VAV3: variants seen among roughly 807,000 people sequenced by gnomAD.
VAV3 encodes the protein vav guanine nucleotide exchange factor 3.
Under a neutral mutation model 131.2 loss-of-function variants are expected in VAV3, and 94 were observed. The observed-to-expected ratio is 0.72, with a 90% confidence interval of 0.61 to 0.85. VAV3 has a LOEUF of 0.85. VAV3 is among the 40% of genes least tolerant of loss of function. VAV3 has a pLI of 0.00. For missense variants in VAV3, 939 were observed against 1,002.7 expected (o/e 0.94, Z 0.86); for synonymous variants, 349 against 342.0 (o/e 1.02, Z -0.22).
rs748384571 is a variant in VAV3, at chr1:107,765,200, T to C, written c.822-25A>G. 9.6e-6 allele frequency: 15 copies of C among 1,570,410 alleles called. No individual in the cohort carries two copies. In the African/African-American group the frequency reaches 1.2e-4, roughly 13 times the overall value. On this transcript the variant is annotated intron_variant, in intron 8 of 26. Transcript: ENST00000370056. ...TCTGAAAGGGAAAAAAGACAAGAAA[T>C]CTCTAAGACAAAAACCAAGAATGAA...
At chr1:107,783,062 C>T (rs753730857) in intron 2 of VAV3, among the ~76,000 whole-genome samples, 4 of 152,068 alleles carry the variant, frequency 2.6e-5, no homozygotes, top group African/African-American at 9.7e-5. Context: ...TTTGTCTATC[C>T]TTTGGTGAGT....
chr1:107,739,613 A>C (rs147352630), intron 15 of VAV3, among the ~76,000 whole-genome samples: 361 of 152,354 alleles, frequency 2.4e-3, no homozygotes, highest in East Asian at 8.3e-3. Context: ...AAGCATTTTA[A>C]GGAGGAAGAA....
intron 9 of VAV3, among the ~76,000 whole-genome samples, chr1:107,761,092 T>A (rs1307988076): frequency 6.6e-6 from 1 of 152,208 alleles, no homozygotes; most frequent in Non-Finnish European, 1.5e-5. Context: ...ATTTTGTGTA[T>A]GAAAATTATT....
intron 1 of VAV3, among the ~76,000 whole-genome samples, chr1:107,912,067 G>T (rs1490996600): frequency 1.3e-5 from 2 of 152,182 alleles, no homozygotes; most frequent in African/African-American, 4.8e-5. Context: ...GTTTGTGTGT[G>T]TGTGTGCGTG....
intron 2 of VAV3, among the ~76,000 whole-genome samples, chr1:107,806,087 C>T (rs1384705016): frequency 2.6e-5 from 4 of 152,130 alleles, no homozygotes; most frequent in Admixed American, 1.3e-4. Context: ...TCCAGGGCTA[C>T]AGATGGTAGC....
intron 2 of VAV3, among the ~76,000 whole-genome samples, chr1:107,868,456 G>A (rs562020370): frequency 4.1e-4 from 62 of 152,218 alleles, no homozygotes; most frequent in African/African-American, 1.4e-3. Flanking sequence ...TTGTGACAGG[G>A]AAAGCCAGGC....
At chr1:107,784,938 C>G (rs373216758) in intron 2 of VAV3, among the ~76,000 whole-genome samples, 5 of 152,272 alleles carry the variant, frequency 3.3e-5, no homozygotes, top group African/African-American at 1.2e-4. Context: ...AAACCTAGAG[C>G]CAACAAACAT....
intron 15 of VAV3, among the ~76,000 whole-genome samples, chr1:107,727,564 TACAA>T (rs534063948): frequency 4.5e-4 from 68 of 152,350 alleles, no homozygotes; most frequent in African/African-American, 1.5e-3. Context: ...AAAAACCAAT[TACAA>T]ACAGTCTACT....
rs571432898 is a variant in VAV3, at chr1:107,853,567, CCCT to C, written c.321+21331_321+21333del. 6.4e-4 allele frequency among the ~76,000 whole-genome samples: 97 copies of C among 151,700 alleles called. 1 individual carries two copies. The highest frequency in any genetic ancestry group is 2.3e-3 in the African/African-American group (97 of 41,308). ...TATACTCAGAAAGATCCTCCCCCAT[CCCT>C]CAAGAACCAAAAAAAAAAAATTCAT... On this transcript the variant is annotated intron_variant, in intron 2 of 26. Transcript: ENST00000370056.
intron 2 of VAV3, among the ~76,000 whole-genome samples, chr1:107,783,892 CA>C (rs55821232): frequency 0.11 from 12,028 of 107,902 alleles, 551 homozygotes; most frequent in South Asian, 0.19. Flanking sequence ...ACTAAAAATA[CA>C]AAAAAAAAAA....
intron 20 of VAV3, among the ~76,000 whole-genome samples, chr1:107,640,586 T>C (rs936370565): frequency 9.9e-5 from 15 of 152,166 alleles, no homozygotes; most frequent in South Asian, 6.2e-4. Flanking sequence ...CTTATATATA[T>C]GTATGTACGT....
chr1:107,894,577 C>A (rs975182590), intron 1 of VAV3, among the ~76,000 whole-genome samples: 4 of 151,972 alleles, frequency 2.6e-5, no homozygotes, highest in Middle Eastern at 3.2e-3. Context: ...AGGCAGCTCC[C>A]AAAAAGAAAA....
intron 19 of VAV3, among the ~76,000 whole-genome samples, chr1:107,658,090 G>T (rs1407722587): frequency 6.6e-6 from 1 of 152,110 alleles, no homozygotes; most frequent in Non-Finnish European, 1.5e-5. Context: ...AAAGAAAACC[G>T]TACTTCCTTT....
intron 1 of VAV3, among the ~76,000 whole-genome samples, chr1:107,950,928 T>C (rs1473223216): frequency 6.6e-6 from 1 of 152,140 alleles, no homozygotes; most frequent in Non-Finnish European, 1.5e-5. Context: ...GTACTTTAGA[T>C]GTCCATTAAG....
chr1:107,870,267 T>C (rs188105936), intron 2 of VAV3, among the ~76,000 whole-genome samples: 2 of 152,314 alleles, frequency 1.3e-5, no homozygotes, highest in East Asian at 3.9e-4. Context: ...CGTAGAAGTG[T>C]TCCCTGATCA....
chr1:107,598,850 G>A (rs1318105292), intron 24 of VAV3, among the ~76,000 whole-genome samples: 4 of 150,272 alleles, frequency 2.7e-5, no homozygotes, highest in Admixed American at 2.0e-4. Flanking sequence ...TGATACAAAC[G>A]ATACCGAAGT....
chr1:107,725,048 A>C (rs1661754796), intron 15 of VAV3, among the ~76,000 whole-genome samples: 1 of 152,182 alleles, frequency 6.6e-6, no homozygotes, highest in African/African-American at 2.4e-5. Context: ...TGACCATAGC[A>C]ATCTAGGTAG....
In VAV3 at chr1:107,731,388, G is replaced by T. The variant is rs148742949; in HGVS notation, c.1502+17580C>A. 5.6e-3 allele frequency among the ~76,000 whole-genome samples: 856 copies of T among 152,288 alleles called. 4 individuals are homozygous for T. The highest frequency in any genetic ancestry group is 0.016 in the African/African-American group (647 of 41,572). Reference sequence around the variant, plus strand: ...GCACTGGTAAGCTACGTTAATGAAAGAATCTTCCTAAATTAAGTTTCTTTT... The same window carrying T: ...GCACTGGTAAGCTACGTTAATGAAATAATCTTCCTAAATTAAGTTTCTTTT... On this transcript the variant is annotated intron_variant, in intron 15 of 26. Transcript: ENST00000370056.
At chr1:107,871,798 G>T (rs1004768057) in intron 2 of VAV3, among the ~76,000 whole-genome samples, 10 of 152,098 alleles carry the variant, frequency 6.6e-5, no homozygotes, top group Non-Finnish European at 1.5e-5. Flanking sequence ...CAGAGGGAGA[G>T]CTTGGACAAA....
Sources: allele counts gnomAD v4.1 joint callset (sites outside exome capture counted in the v4.1 genomes callset), GRCh38; gene constraint gnomAD v4.1.1; transcripts MANE v1.5; gene names NCBI Gene and HGNC (gene_info 2026-07-23, HGNC 2026-07-21).